SH3D19: variants seen among roughly 807,000 people sequenced by gnomAD.
SH3D19 encodes SH3 domain-containing protein 19.
A neutral mutation model predicts 112.1 loss-of-function variants in SH3D19; 58 were observed. The observed-to-expected ratio is 0.52, with a 90% CI of 0.42 to 0.64. SH3D19 has a LOEUF of 0.64. Ranked by LOEUF, SH3D19 falls within the 30% of genes least tolerant of loss-of-function variation. The pLI is 0.00. For synonymous variants in SH3D19, 391 were observed against 448.5 expected (o/e 0.87, Z 1.62); for missense variants, 1,090 against 1,263.4 (o/e 0.86, Z 2.08).
chr4:151,186,232 C>T (rs1261834314), intron 3 of SH3D19, among the ~76,000 whole-genome samples: 1 of 152,112 alleles, frequency 6.6e-6, no homozygotes, highest in Middle Eastern at 3.2e-3. Flanking sequence ...AAATACCACA[C>T]TAATAGCAAG....
intron 1 of SH3D19, among the ~76,000 whole-genome samples, chr4:151,317,896 C>G (rs1730148084): frequency 1.3e-5 from 2 of 151,950 alleles, no homozygotes; most frequent in Admixed American, 1.3e-4. Context: ...GAGGCTGACG[C>G]AGGAGAATCG....
Position 151,144,041 on chromosome 4 carries a change from C to G in SH3D19, c.2092G>C (p.Val698Leu), listed in dbSNP as rs971606600. Residue 698 changes from valine (V) to leucine (L), a missense_variant, in exon 12 of 20, where the codon GTA becomes CTA. Transcript: ENST00000604030. ...PLYSKYMRGD[V>L]LVMLKQTENN... ...TCCGTCTGCTTCAGCATCACAAGTA[C>G]ATCCCCACGCTGCAAGGTACAATAC... The G allele has an allele frequency of 6.8e-6, 11 of 1,613,696 alleles. No individual in the cohort carries two copies. Among genetic ancestry groups the G allele is most frequent in the Non-Finnish European group, 9.3e-6 (11 of 1,179,864 alleles).
In SH3D19 at chr4:151,147,959, C is replaced by A. The variant is rs757203859; in HGVS notation, c.2045G>T (p.Arg682Leu). Reference sequence around the variant, plus strand: ...GTAGAGAGGGTGTCCTGGTTTGGGACGAGGGGGTAGCACCGGATCTTGATT... The same window carrying A: ...GTAGAGAGGGTGTCCTGGTTTGGGAAGAGGGGGTAGCACCGGATCTTGATT... ...FKNQDPVLPP[R>L]PKPGHPLYSK... Residue 682 changes from arginine to leucine, a missense_variant, in exon 11 of 20, where the codon CGT (arginine) becomes CTT (leucine). Coordinates refer to ENST00000604030, the MANE Select transcript of SH3D19 (RefSeq NM_001378122.1). 2 of 1,613,440 alleles carry A rather than the reference C, an allele frequency of 1.2e-6. No homozygotes were observed. The highest frequency in any genetic ancestry group is 1.7e-5 in the Admixed American group (1 of 59,894).
At chr4:151,141,375 C>T (rs1752952341) in intron 12 of SH3D19, among the ~76,000 whole-genome samples, 1 of 152,206 alleles carries the variant, frequency 6.6e-6, no homozygotes, top group African/African-American at 2.4e-5. Flanking sequence ...ATCCACCCAT[C>T]TTGGCCTCCC....
chr4:151,219,445 C>T (rs1191435134), intron 2 of SH3D19, among the ~76,000 whole-genome samples: 1 of 152,184 alleles, frequency 6.6e-6, no homozygotes, highest in Non-Finnish European at 1.5e-5. Flanking sequence ...GTCCCTATAC[C>T]TATCTTGATA....
At chr4:151,151,237 A>G (rs1755015894) in intron 9 of SH3D19, among the ~76,000 whole-genome samples, 1 of 152,192 alleles carries the variant, frequency 6.6e-6, no homozygotes, top group Non-Finnish European at 1.5e-5. Flanking sequence ...CTGGGATTAC[A>G]CGCGTGAGCC....
At chr4:151,300,920 T>A (rs182047138) in intron 1 of SH3D19, among the ~76,000 whole-genome samples, 4 of 152,340 alleles carry the variant, frequency 2.6e-5, no homozygotes, top group African/African-American at 9.6e-5. Flanking sequence ...ATTGACTGAC[T>A]ATATGTAGGC....
At chr4:151,150,901 A>G (rs1430077084) in intron 9 of SH3D19, among the ~76,000 whole-genome samples, 1 of 151,968 alleles carries the variant, frequency 6.6e-6, no homozygotes. Context: ...GGGAAGCCAA[A>G]GGATCTCAAA....
chr4:151,228,071 C>T (rs1769271881), intron 1 of SH3D19: 2 of 982,846 alleles, frequency 2.0e-6, no homozygotes, highest in South Asian at 9.4e-5. Flanking sequence ...GGAAATTCTA[C>T]AGTCATTTTT....
At chr4:151,186,794 A>ATTTT (rs1225256937) in intron 3 of SH3D19, among the ~76,000 whole-genome samples, 1 of 125,834 alleles carries the variant, frequency 7.9e-6, no homozygotes, top group Admixed American at 8.3e-5. Flanking sequence ...TGGTTACATA[A>ATTTT]TTTTTTTTTT....
chr4:151,120,730 T>A lies in SH3D19; in HGVS notation c.*1361A>T, dbSNP rs1177918048. 1 of 152,364 alleles carries A rather than the reference T, an allele frequency of 6.6e-6. No homozygotes were observed. Among genetic ancestry groups the A allele is most frequent in the East Asian group, 1.9e-4 (1 of 5,204 alleles). The allele number at this position is 152,364 out of a possible 1,614,324, so 9.4% of individuals were successfully genotyped here. ...TCCAGGTTGTAGTCACGTAAAAGTG[T>A]GGCCACTTGTTGCTTAACTTTTTGG... is the stretch of plus-strand genomic sequence containing the variant. On this transcript the variant is annotated 3_prime_UTR_variant, in exon 20 of 20. Transcript: ENST00000604030.
intron 2 of SH3D19, among the ~76,000 whole-genome samples, chr4:151,214,191 T>C (rs2149914765): frequency 6.6e-6 from 1 of 152,064 alleles, no homozygotes; most frequent in South Asian, 2.1e-4. Context: ...GGGGGTAAGG[T>C]CACAGATCAA....
chr4:151,256,699 T>G (rs1771952169), intron 1 of SH3D19, among the ~76,000 whole-genome samples: 2 of 151,060 alleles, frequency 1.3e-5, no homozygotes, highest in Non-Finnish European at 3.0e-5. Flanking sequence ...TTGTTGTTTT[T>G]TTTTTTTTTT....
intron 15 of SH3D19, 92 bp from the exon 16 acceptor site, chr4:151,133,328 T>G: frequency 9.3e-7 from 1 of 1,071,344 alleles, no homozygotes; most frequent in African/African-American, 1.6e-5. Context: ...ATATTTATTC[T>G]GGGTTTACCA....
chr4:151,273,522 G>A (rs938855054), intron 1 of SH3D19, among the ~76,000 whole-genome samples: 2 of 147,156 alleles, frequency 1.4e-5, no homozygotes, highest in African/African-American at 5.0e-5. Context: ...CCTCGGAGGC[G>A]GAGGTTGCAG....
chr4:151,145,978 T>C (rs1481215981), intron 11 of SH3D19, among the ~76,000 whole-genome samples: 1 of 152,224 alleles, frequency 6.6e-6, no homozygotes, highest in African/African-American at 2.4e-5. Flanking sequence ...TCATAATTAG[T>C]ACTCAATATA....
intron 1 of SH3D19, chr4:151,282,155 A>C: frequency 6.2e-7 from 1 of 1,613,692 alleles, no homozygotes; most frequent in Non-Finnish European, 8.5e-7. Flanking sequence ...TAGGACCTGG[A>C]CTACTTTTTC....
chr4:151,275,125 C>T (rs1442384476), intron 1 of SH3D19, among the ~76,000 whole-genome samples: 2 of 149,736 alleles, frequency 1.3e-5, no homozygotes, highest in Non-Finnish European at 3.0e-5. Flanking sequence ...CTTGCTCTGT[C>T]GCCCAGGCTG....
At chr4:151,156,191 C>G (rs2149791493) in intron 9 of SH3D19, among the ~76,000 whole-genome samples, 1 of 152,158 alleles carries the variant, frequency 6.6e-6, no homozygotes, top group African/African-American at 2.4e-5. Context: ...TACAAACAAA[C>G]AGACATTCTA....
Sources: allele counts gnomAD v4.1 joint callset (sites outside exome capture counted in the v4.1 genomes callset), GRCh38; gene constraint gnomAD v4.1.1; transcripts MANE v1.5; gene names NCBI Gene and HGNC (gene_info 2026-07-23, HGNC 2026-07-21).